Variants in NRG3 observed in about 807,000 individuals in gnomAD.
NRG3 encodes neuregulin 3.
A neutral mutation model predicts 66.9 loss-of-function variants in NRG3; 31 were observed. The ratio of observed to expected loss-of-function variants is 0.46; its 90% CI spans 0.35 to 0.63. The LOEUF (loss-of-function observed/expected upper bound fraction) is 0.63, where lower values mean the gene tolerates loss of function less well. Among genes scored for constraint, NRG3 ranks in the 20% least tolerant of loss-of-function variants. The probability of loss-of-function intolerance (pLI) is 0.00; values close to 1 mark genes in which losing one functional copy is unlikely to be tolerated. For missense variants in NRG3, 910 were observed against 878.9 expected, an observed-to-expected ratio of 1.04 and a Z score of -0.45; for synonymous variants, 393 against 359.4, an observed-to-expected ratio of 1.09 and a Z score of -1.06.
At chr10:81,931,181 A>G (rs1847312431) in intron 1 of NRG3, among the ~76,000 whole-genome samples, 1 of 152,178 alleles carries the variant, frequency 6.6e-6, no homozygotes, top group Non-Finnish European at 1.5e-5. Flanking sequence ...TCTGGAGGTC[A>G]GGCTGGTTCA....
chr10:82,892,849 C>A (rs1000818789), intron 4 of NRG3, among the ~76,000 whole-genome samples: 4 of 151,822 alleles, frequency 2.6e-5, no homozygotes, highest in Non-Finnish European at 4.4e-5. Context: ...AAATAAGTTT[C>A]TCTCTAGTTA....
chr10:82,569,249 G>A (rs2045591623), intron 2 of NRG3, among the ~76,000 whole-genome samples: 1 of 151,550 alleles, frequency 6.6e-6, no homozygotes, highest in African/African-American at 2.4e-5. Context: ...ACATTTAGTG[G>A]TGGCATCAGC....
chr10:82,619,252 T>G (rs931306438), intron 2 of NRG3, among the ~76,000 whole-genome samples: 1 of 152,160 alleles, frequency 6.6e-6, no homozygotes, highest in African/African-American at 2.4e-5. Context: ...CTAGAAAGCT[T>G]GAAATCTGGC....
chr10:82,142,046 C>T (rs1482650656), intron 1 of NRG3, among the ~76,000 whole-genome samples: 1 of 152,136 alleles, frequency 6.6e-6, no homozygotes, highest in Non-Finnish European at 1.5e-5. Flanking sequence ...CATGAATACA[C>T]ACTCTGAATC....
intron 1 of NRG3, among the ~76,000 whole-genome samples, chr10:82,225,229 C>A (rs984114009): frequency 1.3e-5 from 2 of 152,110 alleles, no homozygotes; most frequent in Non-Finnish European, 2.9e-5. Flanking sequence ...GTTCTAACTA[C>A]GGTATTAACA....
At chr10:82,008,625 C>T (rs2061463282) in intron 1 of NRG3, among the ~76,000 whole-genome samples, 1 of 152,158 alleles carries the variant, frequency 6.6e-6, no homozygotes, top group Non-Finnish European at 1.5e-5. Context: ...TTGCCTCATG[C>T]AAGACCTGTC....
At chr10:82,762,792 C>T (rs373255243) in intron 3 of NRG3, among the ~76,000 whole-genome samples, 2 of 152,142 alleles carry the variant, frequency 1.3e-5, no homozygotes, top group Non-Finnish European at 2.9e-5. Flanking sequence ...TGTTTAGTCA[C>T]GCATAGTATG....
chr10:82,870,468 T>C (rs1841236585), intron 4 of NRG3, among the ~76,000 whole-genome samples: 1 of 152,160 alleles, frequency 6.6e-6, no homozygotes, highest in Non-Finnish European at 1.5e-5. Flanking sequence ...GACTGCTGGG[T>C]CATATGGGAA....
intron 1 of NRG3, among the ~76,000 whole-genome samples, chr10:82,010,616 G>A (rs77029973): frequency 6.6e-6 from 1 of 152,162 alleles, no homozygotes; most frequent in African/African-American, 2.4e-5. Context: ...AACAGGAAAG[G>A]TTCCAGAAGT....
At chr10:82,304,700 T>C (rs2080610434) in intron 1 of NRG3, among the ~76,000 whole-genome samples, 1 of 152,162 alleles carries the variant, frequency 6.6e-6, no homozygotes, top group Non-Finnish European at 1.5e-5. Context: ...GGGGCTAATA[T>C]GAATTCCCAG....
chr10:82,077,886 G>A (rs192204851), intron 1 of NRG3, among the ~76,000 whole-genome samples: 4 of 152,192 alleles, frequency 2.6e-5, no homozygotes, highest in East Asian at 1.9e-4. Context: ...GGTATCTAGC[G>A]GCCTCCAGGC....
intron 5 of NRG3, among the ~76,000 whole-genome samples, chr10:82,957,893 C>T (rs961602751): frequency 1.1e-4 from 17 of 149,562 alleles, no homozygotes; most frequent in Middle Eastern, 6.9e-3. Context: ...AAGAGGTGTG[C>T]GTGTGTGTGT....
At chr10:82,025,459 A>C (rs1191338984) in intron 1 of NRG3, among the ~76,000 whole-genome samples, 3 of 151,922 alleles carry the variant, frequency 2.0e-5, no homozygotes, top group Non-Finnish European at 4.4e-5. Context: ...GTATGTTTAC[A>C]TGTGCATATG....
At chr10:82,766,135 C>A (rs2059503252) in intron 3 of NRG3, among the ~76,000 whole-genome samples, 1 of 152,140 alleles carries the variant, frequency 6.6e-6, no homozygotes, top group Non-Finnish European at 1.5e-5. Context: ...TTAGAGTTTG[C>A]TAAAAGTAGT....
chr10:82,311,987 G>C (rs908734363), intron 1 of NRG3, among the ~76,000 whole-genome samples: 1 of 152,076 alleles, frequency 6.6e-6, no homozygotes, highest in Non-Finnish European at 1.5e-5. Flanking sequence ...GCCAACTCGG[G>C]ACAATAAGAC....
intron 2 of NRG3, among the ~76,000 whole-genome samples, chr10:82,398,526 T>TGTGTGAGAGAGAGA (rs373924370): frequency 7.3e-5 from 10 of 136,584 alleles, no homozygotes; most frequent in South Asian, 6.8e-4. Flanking sequence ...TGTGTGTGTG[T>TGTGTGAGAGAGAGA]GAGAGAGAGA....
chr10:82,845,114 C>A (rs545073298), intron 3 of NRG3, among the ~76,000 whole-genome samples: 5 of 152,122 alleles, frequency 3.3e-5, no homozygotes, highest in Non-Finnish European at 5.9e-5. Context: ...GAGATCACAC[C>A]ACTGCACTCC....
chr10:82,588,759 C>T (rs373929058), intron 2 of NRG3, among the ~76,000 whole-genome samples: 2 of 152,156 alleles, frequency 1.3e-5, no homozygotes, highest in African/African-American at 4.8e-5. Flanking sequence ...CCTCGGCCTC[C>T]CAAAGTGTTG....
At chr10:82,932,610 C>T (rs548686937) in intron 4 of NRG3, among the ~76,000 whole-genome samples, 7 of 152,248 alleles carry the variant, frequency 4.6e-5, no homozygotes, top group Admixed American at 2.0e-4. Context: ...TCCAACTCAG[C>T]AGGATCAGAT....
Sources: allele counts gnomAD v4.1 joint callset (sites outside exome capture counted in the v4.1 genomes callset), GRCh38; gene constraint gnomAD v4.1.1; transcripts MANE v1.5; gene names NCBI Gene and HGNC (gene_info 2026-07-23, HGNC 2026-07-21).